The following LMO7 variants were observed in gnomAD, a reference collection of about 807,000 sequenced individuals.
LMO7 encodes the protein LIM domain only protein 7.
In LMO7, 120 loss-of-function variants were observed where a neutral mutation model predicts 206.5. That is an observed-to-expected ratio of 0.58 (90% CI 0.50 to 0.68). The LOEUF (loss-of-function observed/expected upper bound fraction) is 0.68, where lower values mean the gene tolerates loss of function less well. Ranked by LOEUF, LMO7 falls within the 30% of genes least tolerant of loss-of-function variation. The pLI is 0.00. For missense variants in LMO7, 1,959 were observed against 1,957.9 expected (o/e 1.00, Z -0.01); for synonymous variants, 706 against 681.5 (o/e 1.04, Z -0.56).
In LMO7 at chr13:75,813,132, A is replaced by G. The variant is rs557940965; in HGVS notation, c.1946+3949A>G. Among the ~76,000 whole-genome samples, 79 of 152,342 alleles carry G rather than the reference A, an allele frequency of 5.2e-4. 1 individual carries two copies. Among genetic ancestry groups the G allele is most frequent in the Non-Finnish European group, 2.9e-4 (20 of 68,034 alleles). ...GCGAGGTTGCTGGCACACAGTAAGC[A>G]CTCAGAAGCTGAATATTATGCCATT... On this transcript the variant is annotated intron_variant, in intron 11 of 30. Transcript: ENST00000377534.
chr13:75,811,506 A>G (rs1044015751), intron 11 of LMO7, among the ~76,000 whole-genome samples: 2 of 152,236 alleles, frequency 1.3e-5, no homozygotes, highest in African/African-American at 4.8e-5. Flanking sequence ...CTTACCTGGA[A>G]AAGCATTATT....
intron 4 of LMO7, among the ~76,000 whole-genome samples, chr13:75,786,954 T>G (rs753637631): frequency 5.9e-5 from 9 of 152,306 alleles, no homozygotes; most frequent in Middle Eastern, 3.4e-3. Flanking sequence ...TTAAAAATCT[T>G]AAGGACATAG....
intron 26 of LMO7, 146 bp from the exon 27 acceptor site, chr13:75,848,933 T>A: frequency 1.7e-6 from 1 of 604,022 alleles, no homozygotes; most frequent in East Asian, 2.8e-5. Context: ...ATTTTTTGAG[T>A]TGTTGATTAT....
chr13:75,743,861 A>G (rs761178164), intron 3 of LMO7, among the ~76,000 whole-genome samples: 1 of 152,236 alleles, frequency 6.6e-6, no homozygotes, highest in Middle Eastern at 3.4e-3. Flanking sequence ...CAAAAACCCC[A>G]CGAAAACACA....
chr13:75,718,283 T>G (rs1300261430), intron 2 of LMO7, among the ~76,000 whole-genome samples: 3 of 152,212 alleles, frequency 2.0e-5, no homozygotes, highest in Non-Finnish European at 4.4e-5. Context: ...TAAAGACTCA[T>G]TTCAAGTTTT....
intron 2 of LMO7, among the ~76,000 whole-genome samples, chr13:75,713,594 G>T (rs1038095591): frequency 2.0e-5 from 3 of 152,100 alleles, no homozygotes; most frequent in African/African-American, 7.2e-5. Flanking sequence ...TATTCTAATG[G>T]GTAGAATTGC....
intron 1 of LMO7, among the ~76,000 whole-genome samples, chr13:75,651,234 G>C (rs1323851642): frequency 1.3e-5 from 2 of 151,878 alleles, no homozygotes; most frequent in African/African-American, 4.8e-5. Flanking sequence ...ATAAATTCCA[G>C]ATGAGTTTCT....
rs140970889 is a variant in LMO7 at position 75,853,904 on chromosome 13, C to T, written c.4661+516C>T. 8.4e-3 allele frequency among the ~76,000 whole-genome samples: 1,276 copies of T among 152,268 alleles called. 16 individuals carry two copies. Among genetic ancestry groups the T allele is most frequent in the South Asian group, 0.05 (239 of 4,814 alleles). On this transcript the variant is annotated intron_variant, in intron 28 of 30. Coordinates refer to ENST00000377534, the MANE Select transcript of LMO7 (RefSeq NM_001306080.2). ...TAGCTGGATTAAAGAAATGCAAAGT[C>T]GGATAGATCTTGCTTTGGGGGTTTT...
Position 75,849,237 on chromosome 13 carries a change from C to A in LMO7, c.4309C>A (p.Gln1437Lys). Reference protein sequence around the residue: ...PLHNDNSWIRQRSASVNKEPV... With the variant: ...PLHNDNSWIRKRSASVNKEPV... The stretch of plus-strand genomic sequence containing the variant: ...TCACAATGACAACAGCTGGATCCGA[C>A]AGCGCAGTGCCAGTGTCAACAAAGA... The change falls in exon 27 of 31, where the codon CAG becomes AAG. Residue 1437 changes from glutamine (Q) to lysine (K), a missense_variant. Coordinates refer to ENST00000377534, the MANE Select transcript of LMO7 (RefSeq NM_001306080.2). The A allele has an allele frequency of 6.2e-7, 1 of 1,614,134 alleles. No homozygotes were observed. Among genetic ancestry groups the A allele is most frequent in the Non-Finnish European group, 8.5e-7 (1 of 1,179,990 alleles).
At position 75,834,722 on chromosome 13, in the gene LMO7, T is replaced by A. The variant is rs182249978; in HGVS notation, c.3226+335T>A. ...TTAAGAATTATGCTATGATTTAACT[T>A]TATCTGCAGCATCATAACCATATTG... On this transcript the variant is annotated intron_variant, in intron 17 of 30. Transcript: ENST00000377534. Among the ~76,000 whole-genome samples the A allele has an allele frequency of 2.3e-3, 347 of 152,272 alleles. 1 individual carries two copies. Among genetic ancestry groups the A allele is most frequent in the Non-Finnish European group, 3.7e-3 (251 of 68,012 alleles).
chr13:75,761,060 G>GATAT (rs10563264), intron 4 of LMO7, 22 bp downstream of exon 4: 102 of 1,159,232 alleles, frequency 8.8e-5, no homozygotes, highest in Middle Eastern at 2.6e-4. Flanking sequence ...CAGTTTGTTA[G>GATAT]ATATATATAT....
At chr13:75,819,153 G>T (rs1285277380) in intron 12 of LMO7, 2 of 360,852 alleles carry the variant, frequency 5.5e-6, no homozygotes, top group African/African-American at 4.2e-5. Flanking sequence ...CAATGAGGCA[G>T]ATACTTTCTG....
chr13:75,820,284 G>C (rs2057444053), intron 13 of LMO7, among the ~76,000 whole-genome samples: 1 of 152,168 alleles, frequency 6.6e-6, no homozygotes, highest in Non-Finnish European at 1.5e-5. Flanking sequence ...GGTGTTTTAT[G>C]AACCTTTCTA....
intron 2 of LMO7, among the ~76,000 whole-genome samples, chr13:75,713,556 C>T (rs915823093): frequency 6.6e-6 from 1 of 152,174 alleles, no homozygotes; most frequent in Non-Finnish European, 1.5e-5. Flanking sequence ...AGCCTTATGA[C>T]ATGTTACCAT....
intron 3 of LMO7, among the ~76,000 whole-genome samples, chr13:75,734,732 C>A (rs538880854): frequency 6.6e-6 from 1 of 152,060 alleles, no homozygotes; most frequent in Non-Finnish European, 1.5e-5. Context: ...AATATTAATT[C>A]CTTCCTTCCT....
chr13:75,785,922 G>A (rs1382095601), intron 4 of LMO7, among the ~76,000 whole-genome samples: 2 of 152,182 alleles, frequency 1.3e-5, no homozygotes, highest in Non-Finnish European at 2.9e-5. Flanking sequence ...ATTCTTTTAA[G>A]TTGTGTCTTC....
At chr13:75,732,333 C>A (rs994424796) in intron 3 of LMO7, among the ~76,000 whole-genome samples, 23 of 149,738 alleles carry the variant, frequency 1.5e-4, no homozygotes, top group African/African-American at 5.5e-4. Flanking sequence ...TCTTTTTATT[C>A]TTTTTTCTCT....
At chr13:75,644,494 T>A (rs1333127225) in intron 1 of LMO7, among the ~76,000 whole-genome samples, 1 of 152,164 alleles carries the variant, frequency 6.6e-6, no homozygotes, top group Non-Finnish European at 1.5e-5. Flanking sequence ...CCTAAAGCTG[T>A]AAGATTAGCT....
intron 6 of LMO7, 41 bp downstream of exon 6, chr13:75,796,790 A>G (rs746265194): frequency 5.9e-6 from 7 of 1,177,190 alleles, no homozygotes; most frequent in South Asian, 2.5e-5. Context: ...GCTGTAATAC[A>G]GTATCACTGC....
Sources: allele counts gnomAD v4.1 joint callset (sites outside exome capture counted in the v4.1 genomes callset), GRCh38; gene constraint gnomAD v4.1.1; transcripts MANE v1.5; gene names NCBI Gene and HGNC (gene_info 2026-07-23, HGNC 2026-07-21).